The following TRIM66 variants were observed in gnomAD, a reference collection of about 807,000 sequenced individuals.
TRIM66 encodes tripartite motif-containing protein 66.
In TRIM66, 99 loss-of-function variants were observed where a neutral mutation model predicts 148.2. The ratio of observed to expected loss-of-function variants is 0.67; its 90% CI spans 0.57 to 0.79. The LOEUF is 0.79. TRIM66 is among the 30% of genes least tolerant of loss of function. TRIM66 has a pLI of 0.00. For synonymous variants in TRIM66, 616 were observed against 635.9 expected (o/e 0.97, Z 0.47); for missense variants, 1,666 against 1,697.9 (o/e 0.98, Z 0.33).
In TRIM66 at chr11:8,617,652, T is replaced by C. The variant is rs2033805088; in HGVS notation, c.*292A>G. On this transcript the variant is annotated 3_prime_UTR_variant, in exon 25 of 25. Transcript: ENST00000646038. ...AAAAAAATTCACCAAGGAAAGTAGG[T>C]TTTCCCGAGCCTAACCAGGTGTGGT... 2.6e-6 allele frequency: 1 copy of C among 390,852 alleles called. No homozygotes were observed. The highest frequency in any genetic ancestry group is 2.0e-5 in the African/African-American group (1 of 49,036). 24.2% of individuals were successfully genotyped at this position (390,852 alleles called of 1,614,324 possible). A position where few individuals can be genotyped will look rare whatever the true frequency, so the allele number is the denominator to read the frequency against.
upstream of TRIM66, chr11:8,683,120 G>C: frequency 2.1e-6 from 3 of 1,408,324 alleles, no homozygotes; most frequent in Non-Finnish European, 2.0e-6. Context: ...TGACCCACAG[G>C]CTTACAGGAC....
intron 4 of TRIM66, 103 bp from the exon 5 acceptor site, chr11:8,672,488 A>G (rs1460918714): frequency 3.1e-6 from 4 of 1,274,918 alleles, no homozygotes; most frequent in East Asian, 2.6e-5. Flanking sequence ...ACTTTTACAA[A>G]TTAAATAAAA....
chr11:8,652,246 C>T (rs1204998354), intron 6 of TRIM66, among the ~76,000 whole-genome samples: 1 of 152,110 alleles, frequency 6.6e-6, no homozygotes, highest in Non-Finnish European at 1.5e-5. Context: ...CATTCCACAT[C>T]CCTGAGAGCA....
At position 8,682,641 on chromosome 11, in the gene TRIM66, A is replaced by T. The variant is rs377746288; in HGVS notation, c.-588T>A. On this transcript the variant is annotated 5_prime_UTR_variant, in exon 1 of 25. Coordinates refer to ENST00000646038, the MANE Select transcript of TRIM66 (RefSeq NM_001388022.1). ...CCACCAGGACACTCCGTGATGGGGG[A>T]TCACCACCCTCAGAAAGAGGAAGCG... is the stretch of plus-strand genomic sequence containing the variant. 1.4e-6 allele frequency: 1 copy of T among 726,058 alleles called. No individual in the cohort carries two copies. 45.0% of individuals were successfully genotyped at this position (726,058 alleles called of 1,614,324 possible).
chr11:8,629,733 C>T (rs1475155472), intron 15 of TRIM66, among the ~76,000 whole-genome samples: 1 of 152,184 alleles, frequency 6.6e-6, no homozygotes, highest in Non-Finnish European at 1.5e-5. Flanking sequence ...GAAGACAATA[C>T]GAGGTCAGCA....
intron 7 of TRIM66, among the ~76,000 whole-genome samples, chr11:8,651,550 C>T (rs918384480): frequency 6.6e-6 from 1 of 152,168 alleles, no homozygotes; most frequent in African/African-American, 2.4e-5. Flanking sequence ...TCTTAACTTA[C>T]ATTCACCTTC....
intron 4 of TRIM66, among the ~76,000 whole-genome samples, chr11:8,673,331 A>C (rs915581803): frequency 6.6e-6 from 1 of 152,176 alleles, no homozygotes; most frequent in Non-Finnish European, 1.5e-5. Context: ...TGTGATAATA[A>C]AGTTTTAAAA....
In TRIM66 at chr11:8,612,554, T is replaced by C. The variant is rs1375842499; in HGVS notation, c.*5390A>G. 1 of 152,148 alleles carries C rather than the reference T, an allele frequency of 6.6e-6. No individual in the cohort carries two copies. The highest frequency in any genetic ancestry group is 1.5e-5 in the Non-Finnish European group (1 of 68,048). The allele number at this position is 152,148 out of a possible 1,614,324, so 9.4% of individuals were successfully genotyped here. A position where few individuals can be genotyped will look rare whatever the true frequency, so the allele number is the denominator to read the frequency against. The stretch of plus-strand genomic sequence containing the variant: ...ACTCTCAAATCAGATATCTTTCTAG[T>C]ATATACCTCCTTACCTCCAAGAAAG... On this transcript the variant is annotated 3_prime_UTR_variant, in exon 25 of 25. Coordinates refer to ENST00000646038, the MANE Select transcript of TRIM66 (RefSeq NM_001388022.1).
rs2033677771 is a variant in TRIM66 at position 8,615,711 on chromosome 11, T to G, written c.*2233A>C. On this transcript the variant is annotated 3_prime_UTR_variant, in exon 25 of 25. Coordinates refer to ENST00000646038, the MANE Select transcript of TRIM66 (RefSeq NM_001388022.1). ...GGGAGCATGTGTCTCTCTAGCACAT[T>G]ACTAAGACCCCCTCTGGCCCAGCAA... 6.6e-6 allele frequency: 1 copy of G among 152,084 alleles called. No homozygotes were observed. Among genetic ancestry groups the G allele is most frequent in the Admixed American group, 6.6e-5 (1 of 15,258 alleles). The allele number at this position is 152,084 out of a possible 1,614,324, so 9.4% of individuals were successfully genotyped here. A position where few individuals can be genotyped will look rare whatever the true frequency, so the allele number is the denominator to read the frequency against.
intron 6 of TRIM66, among the ~76,000 whole-genome samples, chr11:8,655,249 T>C (rs2037722903): frequency 6.6e-6 from 1 of 152,162 alleles, no homozygotes; most frequent in Non-Finnish European, 1.5e-5. Context: ...CTGGAAGTTT[T>C]CTGGAAAAAA....
At chr11:8,623,127 T>C (rs1275075890) in intron 17 of TRIM66, among the ~76,000 whole-genome samples, 1 of 152,184 alleles carries the variant, frequency 6.6e-6, no homozygotes, top group Non-Finnish European at 1.5e-5. Flanking sequence ...TATGGGTAAG[T>C]GTTGGGTCAG....
rs1402546311 is a variant in TRIM66 at position 8,647,979 on chromosome 11, A to G, written c.833T>C (p.Ile278Thr). The G allele has an allele frequency of 3.9e-6, 6 of 1,551,588 alleles. No homozygotes were observed. Among genetic ancestry groups the G allele is most frequent in the South Asian group, 1.2e-5 (1 of 84,060 alleles). Reference protein sequence around the residue: ...KSSLQTSAKQIEDRIFEVKHQ... With the variant: ...KSSLQTSAKQTEDRIFEVKHQ... The stretch of plus-strand genomic sequence containing the variant: ...CACTAGCCTGTGCTACCTGTCCTCA[A>G]TTTGCTTTGCAGATGTCTGTAGACT... Residue 278 changes from isoleucine to threonine, a missense_variant, in exon 10 of 25, where the codon ATT (isoleucine) becomes ACT (threonine). Physicochemically the swap from Ile to Thr is moderately conservative, Grantham distance 89. Transcript: ENST00000646038.
intron 12 of TRIM66, among the ~76,000 whole-genome samples, chr11:8,643,957 T>G (rs757820963): frequency 6.6e-5 from 10 of 152,230 alleles, no homozygotes; most frequent in Non-Finnish European, 1.3e-4. Flanking sequence ...AACGAACATC[T>G]TAGCCTCTCA....
chr11:8,675,971 T>G (rs749096795), intron 3 of TRIM66, among the ~76,000 whole-genome samples: 2 of 152,148 alleles, frequency 1.3e-5, no homozygotes, highest in Non-Finnish European at 2.9e-5. Flanking sequence ...TCTCCAGACC[T>G]CGTGATCCAC....
intron 1 of TRIM66, among the ~76,000 whole-genome samples, chr11:8,680,365 A>C (rs2039353546): frequency 6.6e-6 from 1 of 152,194 alleles, no homozygotes; most frequent in Admixed American, 6.5e-5. Flanking sequence ...AAGGATACAG[A>C]AATTGGAGGA....
At chr11:8,647,149 T>C (rs2036935558) in intron 10 of TRIM66, among the ~76,000 whole-genome samples, 1 of 151,380 alleles carries the variant, frequency 6.6e-6, no homozygotes, top group Admixed American at 6.6e-5. Context: ...GGCTTCTTTT[T>C]GGGGGGATGA....
Position 8,642,843 on chromosome 11 carries a change from CAAAAAAAAAAA to C in TRIM66, c.1222+155_1222+165del, listed in dbSNP as rs60432547. 2.7e-3 allele frequency among the ~76,000 whole-genome samples: 198 copies of C among 73,254 alleles called. 1 individual carries two copies. Among genetic ancestry groups the C allele is most frequent in the Admixed American group, 3.6e-3 (17 of 4,742 alleles). The allele number at this position is 73,254 out of a possible 152,430, so 48.1% of individuals were successfully genotyped here. On this transcript the variant is annotated intron_variant, in intron 13 of 24. Coordinates refer to ENST00000646038, the MANE Select transcript of TRIM66 (RefSeq NM_001388022.1). ...TTCCTCATCCTCTCCTCTTCCCCCT[CAAAAAAAAAAA>C]AAAAAAAAAAAAAAGGTTTGCTGAA...
At chr11:8,649,994 C>T in intron 7 of TRIM66, 107 bp from the exon 8 acceptor site, 1 of 1,319,216 alleles carries the variant, frequency 7.6e-7, no homozygotes, top group South Asian at 1.4e-5. Flanking sequence ...ATTCCTCCAC[C>T]AGTTTGGAGT....
chr11:8,623,349 T>A (rs1436557777), intron 17 of TRIM66, among the ~76,000 whole-genome samples: 1 of 152,170 alleles, frequency 6.6e-6, no homozygotes, highest in Non-Finnish European at 1.5e-5. Flanking sequence ...TCTATGGAGA[T>A]GGGCAGGAGG....
Sources: gnomAD v4.1 joint callset for allele counts (sites outside exome capture counted in the v4.1 genomes callset) on GRCh38, gnomAD v4.1.1 for gene constraint, MANE v1.5 for transcripts, NCBI Gene and HGNC (gene_info 2026-07-23, HGNC 2026-07-21) for gene names.